The following DLGAP1 variants were observed in gnomAD, a reference collection of about 807,000 sequenced individuals.
The protein encoded by DLGAP1 is disks large-associated protein 1.
DLGAP1 carries 11 observed loss-of-function variants against 90.8 expected under a neutral mutation model. The observed-to-expected ratio is 0.12, with a 90% CI of 0.08 to 0.20. The LOEUF (loss-of-function observed/expected upper bound fraction) is 0.20, where lower values mean the gene tolerates loss of function less well. Among genes scored for constraint, DLGAP1 ranks in the 10% least tolerant of loss-of-function variants. The pLI is 1.00. For missense variants in DLGAP1, 1,050 were observed against 1,333.8 expected (o/e 0.79, Z 3.31); for synonymous variants, 558 against 540.7 (o/e 1.03, Z -0.44).
chr18:4,101,467 G>T (rs903304922), intron 2 of DLGAP1, among the ~76,000 whole-genome samples: 13 of 152,140 alleles, frequency 8.5e-5, no homozygotes, highest in African/African-American at 3.1e-4. Flanking sequence ...TCATGAAAAA[G>T]TTGAAAATAT....
At chr18:4,350,311 T>C (rs1230187217) in intron 1 of DLGAP1, among the ~76,000 whole-genome samples, 2 of 152,152 alleles carry the variant, frequency 1.3e-5, no homozygotes, top group Admixed American at 6.6e-5. Flanking sequence ...CAAAATATTT[T>C]TAACATATGT....
rs1567965542 is a variant in DLGAP1 at position 3,688,647 on chromosome 18, ACACACACACACACACACAC to A, written c.1591+40469_1591+40487del. 6.9e-3 allele frequency among the ~76,000 whole-genome samples: 1,035 copies of A among 150,342 alleles called. 22 individuals carry two copies. Among genetic ancestry groups the A allele is most frequent in the African/African-American group, 0.025 (989 of 40,240 alleles). On this transcript the variant is annotated intron_variant, in intron 7 of 12. Transcript: ENST00000315677. ...CACACACACACACACACACACACAC[ACACACACACACACACACAC>A]ACCCTACCAAAAATAAGAAACAAAA...
intron 2 of DLGAP1, among the ~76,000 whole-genome samples, chr18:4,136,985 G>A (rs1383941687): frequency 6.6e-6 from 1 of 151,986 alleles, no homozygotes; most frequent in East Asian, 1.9e-4. Flanking sequence ...GTGCCATGTT[G>A]GTGTGCTGCA....
intron 7 of DLGAP1, chr18:3,594,219 A>G (rs2056442354): frequency 6.6e-6 from 1 of 152,012 alleles, no homozygotes; most frequent in African/African-American, 2.4e-5. Flanking sequence ...TTCCCCAAGC[A>G]CTCTCAGGAA....
chr18:4,061,733 A>T (rs1273568304), intron 2 of DLGAP1, among the ~76,000 whole-genome samples: 1 of 152,196 alleles, frequency 6.6e-6, no homozygotes, highest in Non-Finnish European at 1.5e-5. Context: ...GATATGACTT[A>T]GTATATGTTA....
At chr18:3,749,276 G>T (rs1247852127) in intron 5 of DLGAP1, among the ~76,000 whole-genome samples, 2 of 150,918 alleles carry the variant, frequency 1.3e-5, no homozygotes, top group Non-Finnish European at 2.9e-5. Context: ...AGCCTCCCAA[G>T]TAGCTGGGAT....
intron 1 of DLGAP1, among the ~76,000 whole-genome samples, chr18:4,258,243 T>C (rs1237532278): frequency 6.6e-6 from 1 of 152,076 alleles, no homozygotes; most frequent in Non-Finnish European, 1.5e-5. Context: ...GAGGTCTCGT[T>C]GTGTTGCTCA....
chr18:4,337,970 G>T (rs1206370886), intron 1 of DLGAP1, among the ~76,000 whole-genome samples: 1 of 152,026 alleles, frequency 6.6e-6, no homozygotes, highest in Non-Finnish European at 1.5e-5. Context: ...AAAATTATCA[G>T]TGGCATTTGA....
chr18:4,063,702 C>G (rs75523070), intron 2 of DLGAP1, among the ~76,000 whole-genome samples: 5,609 of 152,148 alleles, frequency 0.037, 334 homozygotes, highest in African/African-American at 0.13. Flanking sequence ...ATCTACATAA[C>G]AAGGCCACCT....
intron 3 of DLGAP1, among the ~76,000 whole-genome samples, chr18:3,972,507 A>T (rs1561829): frequency 0.39 from 58,994 of 149,674 alleles, 11,737 homozygotes; most frequent in Non-Finnish European, 0.42. Flanking sequence ...ACACACACAC[A>T]CTCTCTCTCT....
intron 1 of DLGAP1, among the ~76,000 whole-genome samples, chr18:4,403,909 C>T (rs1042574985): frequency 6.6e-6 from 1 of 152,036 alleles, no homozygotes; most frequent in African/African-American, 2.4e-5. Flanking sequence ...TATTGTTTCT[C>T]CCTGGCTCCC....
At chr18:4,149,019 A>C (rs894427740) in intron 2 of DLGAP1, among the ~76,000 whole-genome samples, 4 of 152,232 alleles carry the variant, frequency 2.6e-5, no homozygotes, top group Non-Finnish European at 4.4e-5. Context: ...TATATATATA[A>C]TTTCAGTCTT....
intron 7 of DLGAP1, among the ~76,000 whole-genome samples, chr18:3,615,746 C>A (rs900552784): frequency 3.3e-5 from 5 of 152,196 alleles, no homozygotes; most frequent in Non-Finnish European, 7.3e-5. Context: ...CCCCAACTGG[C>A]TCCAGCCCAA....
At chr18:4,075,422 G>A (rs2075508824) in intron 2 of DLGAP1, among the ~76,000 whole-genome samples, 1 of 152,116 alleles carries the variant, frequency 6.6e-6, no homozygotes, top group Non-Finnish European at 1.5e-5. Context: ...CAACCAACTG[G>A]AAGAGAAATA....
chr18:4,155,204 G>T (rs998108924), intron 1 of DLGAP1, among the ~76,000 whole-genome samples: 1 of 151,986 alleles, frequency 6.6e-6, no homozygotes, highest in Non-Finnish European at 1.5e-5. Context: ...GTTGGTCTTG[G>T]GATTGCAATA....
At chr18:4,369,901 C>T (rs1399480962) in intron 1 of DLGAP1, among the ~76,000 whole-genome samples, 4 of 147,138 alleles carry the variant, frequency 2.7e-5, no homozygotes, top group Non-Finnish European at 6.0e-5. Context: ...TATGGACACA[C>T]AAAGGGCCAG....
At chr18:4,184,285 T>C (rs971351217) in intron 1 of DLGAP1, among the ~76,000 whole-genome samples, 1 of 152,154 alleles carries the variant, frequency 6.6e-6, no homozygotes, top group Non-Finnish European at 1.5e-5. Context: ...CGAAAAGCCA[T>C]AGCCATCCTG....
intron 1 of DLGAP1, among the ~76,000 whole-genome samples, chr18:4,277,285 A>T (rs1417407750): frequency 2.6e-5 from 4 of 152,226 alleles, no homozygotes; most frequent in Non-Finnish European, 2.9e-5. Flanking sequence ...GCATAATGTT[A>T]CTTAACCTAA....
At chr18:3,559,965 G>C (rs897926903) in intron 9 of DLGAP1, among the ~76,000 whole-genome samples, 1 of 151,964 alleles carries the variant, frequency 6.6e-6, no homozygotes, top group East Asian at 1.9e-4. Context: ...CAGGTTTTGC[G>C]AGTACTTTGT....
Sources: gnomAD v4.1 joint callset for allele counts (sites outside exome capture counted in the v4.1 genomes callset) on GRCh38, gnomAD v4.1.1 for gene constraint, MANE v1.5 for transcripts, NCBI Gene and HGNC (gene_info 2026-07-23, HGNC 2026-07-21) for gene names.